Variants in ANO5 observed in about 807,000 individuals in gnomAD.
The protein encoded by ANO5 is anoctamin-5.
ANO5 carries 109 observed loss-of-function variants against 121.0 expected under a neutral mutation model. The ratio of observed to expected loss-of-function variants is 0.90; its 90% CI spans 0.77 to 1.06. ANO5 has a LOEUF of 1.06. ANO5 is among the 50% of genes least tolerant of loss of function. ANO5 has a pLI of 0.00. For missense variants in ANO5, 1,064 were observed against 1,078.5 expected (o/e 0.99, Z 0.19); for synonymous variants, 406 against 359.9 (o/e 1.13, Z -1.45).
chr11:22,223,732 T>G (rs1300696718), intron 5 of ANO5, among the ~76,000 whole-genome samples: 1 of 152,090 alleles, frequency 6.6e-6, no homozygotes, highest in Non-Finnish European at 1.5e-5. Flanking sequence ...CTCTGAAAAT[T>G]AGTTCCTCTT....
intron 1 of ANO5, among the ~76,000 whole-genome samples, chr11:22,200,713 A>C (rs1000244746): frequency 6.6e-6 from 1 of 152,344 alleles, no homozygotes; most frequent in Non-Finnish European, 1.5e-5. Flanking sequence ...AGAATGAAAA[A>C]GACAAATATG....
intron 14 of ANO5, 83 bp downstream of exon 14, chr11:22,257,837 C>CT: frequency 8.4e-7 from 1 of 1,185,180 alleles, no homozygotes; most frequent in Non-Finnish European, 1.2e-6. Flanking sequence ...TACAATGTCT[C>CT]TTGAGTCTTT....
intron 1 of ANO5, among the ~76,000 whole-genome samples, chr11:22,193,801 A>G (rs942321952): frequency 3.3e-5 from 5 of 151,882 alleles, no homozygotes; most frequent in African/African-American, 1.2e-4. Flanking sequence ...GTTCCGGAAC[A>G]CCCTCCTTGC....
At chr11:22,252,945 C>T (rs1302462793) in intron 12 of ANO5, among the ~76,000 whole-genome samples, 1 of 152,080 alleles carries the variant, frequency 6.6e-6, no homozygotes, top group Non-Finnish European at 1.5e-5. Flanking sequence ...GTACATGCCT[C>T]CATGATTGCA....
intron 4 of ANO5, among the ~76,000 whole-genome samples, chr11:22,219,310 A>G (rs11026464): frequency 0.69 from 105,212 of 151,946 alleles, 37,950 homozygotes; most frequent in Non-Finnish European, 0.81. Context: ...AATCACTGGA[A>G]TTACTATTCT....
chr11:22,254,940 T>C (rs575976292), intron 12 of ANO5, among the ~76,000 whole-genome samples: 2 of 152,146 alleles, frequency 1.3e-5, no homozygotes, highest in South Asian at 2.1e-4. Context: ...GTAATTGTGC[T>C]GGGGATTGGC....
chr11:22,281,104 A>C lies in ANO5; in HGVS notation c.*1339A>C, dbSNP rs912878441. ...TAACTTTGTGTATACACACACACAC[A>C]TCTATATATATAATTATTAGCACTA... On this transcript the variant is annotated 3_prime_UTR_variant, in exon 22 of 22. Coordinates refer to ENST00000324559, the MANE Select transcript of ANO5 (RefSeq NM_213599.3). The C allele has an allele frequency of 5.3e-5, 8 of 152,014 alleles. No homozygotes were observed. The highest frequency in any genetic ancestry group is 1.9e-4 in the African/African-American group (8 of 41,432). 9.4% of individuals were successfully genotyped at this position (152,014 alleles called of 1,614,324 possible). A position where few individuals can be genotyped will look rare whatever the true frequency, so the allele number is the denominator to read the frequency against.
At chr11:22,193,576 G>A (rs2133474526) in intron 1 of ANO5, 44 bp downstream of exon 1, 1 of 1,599,786 alleles carries the variant, frequency 6.3e-7, no homozygotes, top group Middle Eastern at 1.7e-4. Flanking sequence ...CAGGCTGGCT[G>A]CCTGCACCCC....
At chr11:22,271,850 A>G (rs1050172081) in intron 18 of ANO5, among the ~76,000 whole-genome samples, 3 of 152,226 alleles carry the variant, frequency 2.0e-5, no homozygotes, top group East Asian at 1.9e-4. Context: ...CTGCTTCTAC[A>G]TAATACTTCC....
At chr11:22,261,663 C>CA (rs1197471045) in intron 15 of ANO5, 1 of 173,750 alleles carries the variant, frequency 5.8e-6, no homozygotes, top group African/African-American at 2.4e-5. Context: ...GATTCCGTCT[C>CA]AAAAATAAAT....
chr11:22,245,468 C>T (rs1853585182), intron 9 of ANO5, among the ~76,000 whole-genome samples: 1 of 152,098 alleles, frequency 6.6e-6, no homozygotes, highest in Non-Finnish European at 1.5e-5. Flanking sequence ...CCACTCTTCT[C>T]TATTCCTTTT....
chr11:22,244,335 A>G (rs895150396), intron 9 of ANO5, among the ~76,000 whole-genome samples: 1 of 151,816 alleles, frequency 6.6e-6, no homozygotes, highest in East Asian at 1.9e-4. Flanking sequence ...CTGCCTTTAA[A>G]TTTTTTTGTT....
In ANO5 at chr11:22,193,217, AG is replaced by A; in HGVS notation, c.-273del. ...CTACCGGCTGAGGGTGGGGAAGCGC[AG>A]GGCCAAGCGCGCGAAGCAGGTTGTG... is the stretch of plus-strand genomic sequence containing the variant. On this transcript the variant is annotated 5_prime_UTR_variant, in exon 1 of 22. Coordinates refer to ENST00000324559, the MANE Select transcript of ANO5 (RefSeq NM_213599.3). 9.2e-7 allele frequency: 1 copy of A among 1,089,592 alleles called. No homozygotes were observed. Among genetic ancestry groups the A allele is most frequent in the South Asian group, 3.1e-5 (1 of 32,516 alleles). The allele number at this position is 1,089,592 out of a possible 1,614,324, so 67.5% of individuals were successfully genotyped here.
chr11:22,215,329 A>G (rs1402243398), intron 3 of ANO5, among the ~76,000 whole-genome samples: 2 of 152,020 alleles, frequency 1.3e-5, no homozygotes, highest in Non-Finnish European at 2.9e-5. Flanking sequence ...ATATTAGCAC[A>G]GTATTTATAA....
chr11:22,193,467 C>A lies in ANO5; in HGVS notation c.-26C>A, dbSNP rs1459926893. 1 of 1,608,788 alleles carries A rather than the reference C, an allele frequency of 6.2e-7. No homozygotes were observed. Among genetic ancestry groups the A allele is most frequent in the Non-Finnish European group, 8.5e-7 (1 of 1,178,210 alleles). ...CCCCTCTCCTGCTGCCTCTCAGGCA[C>A]CAGTGCCATTAACGAGCTGGCGAAG... is the stretch of plus-strand genomic sequence containing the variant. On this transcript the variant is annotated 5_prime_UTR_variant, in exon 1 of 22. Coordinates refer to ENST00000324559, the MANE Select transcript of ANO5 (RefSeq NM_213599.3).
chr11:22,207,053 G>A (rs1323300351), intron 2 of ANO5, among the ~76,000 whole-genome samples: 2 of 151,916 alleles, frequency 1.3e-5, no homozygotes, highest in African/African-American at 2.4e-5. Context: ...CTAGAACTGA[G>A]TTTAAGAAGG....
intron 18 of ANO5, among the ~76,000 whole-genome samples, chr11:22,270,929 A>G: frequency 6.6e-6 from 1 of 152,178 alleles, no homozygotes; most frequent in East Asian, 1.9e-4. Context: ...CATCCAAAAC[A>G]TTGCAAGGTT....
chr11:22,231,337 C>A (rs1263315889), intron 7 of ANO5, among the ~76,000 whole-genome samples: 1 of 151,588 alleles, frequency 6.6e-6, no homozygotes, highest in East Asian at 1.9e-4. Context: ...GGTCATTTAC[C>A]TTATTAAATT....
rs1302414683 is a variant in ANO5, at chr11:22,259,623, CA to C, written c.1516del (p.Ser506AlafsTer7). 1.9e-6 allele frequency: 3 copies of C among 1,613,922 alleles called. No individual in the cohort carries two copies. The highest frequency in any genetic ancestry group is 1.7e-5 in the Admixed American group (1 of 60,004). On this transcript the variant is annotated frameshift_variant, in exon 15 of 22. Transcript: ENST00000324559. LOFTEE classifies it high-confidence loss of function. ...AAAGTGATGCATCCTTAAAGCAGGTCAAAAGCTTCCTTACTCCTCAGATAAC... is the reference window on the plus strand; with the variant it reads ...AAAGTGATGCATCCTTAAAGCAGGTCAAAGCTTCCTTACTCCTCAGATAAC... ...MESDASLKQV[K>X]SFLTPQITTS...
Sources: allele counts gnomAD v4.1 joint callset (sites outside exome capture counted in the v4.1 genomes callset), GRCh38; gene constraint gnomAD v4.1.1; transcripts MANE v1.5; gene names NCBI Gene and HGNC (gene_info 2026-07-23, HGNC 2026-07-21).